The following KLHL30 variants were observed in gnomAD, a reference collection of about 807,000 sequenced individuals.
KLHL30 encodes the protein kelch-like protein 30.
A neutral mutation model predicts 55.0 loss-of-function variants in KLHL30; 55 were observed. The observed-to-expected ratio is 1.00, with a 90% CI of 0.80 to 1.25. KLHL30 has a LOEUF of 1.25. KLHL30 is among the 50% of genes most tolerant of loss of function. KLHL30 has a pLI of 0.00. For synonymous variants in KLHL30, 356 were observed against 372.6 expected (o/e 0.96, Z 0.51); for missense variants, 786 against 811.6 (o/e 0.97, Z 0.38).
chr2:238,143,197 C>G (rs1174418943), intron 3 of KLHL30, among the ~76,000 whole-genome samples: 2 of 152,236 alleles, frequency 1.3e-5, no homozygotes, highest in Non-Finnish European at 2.9e-5. Flanking sequence ...GGCCCTGGAG[C>G]CGGTGTACAG....
At chr2:238,142,720 A>T (rs1012152233) in intron 2 of KLHL30, 79 bp from the exon 3 acceptor site, 2 of 1,287,090 alleles carry the variant, frequency 1.6e-6, no homozygotes, top group African/African-American at 1.6e-5. Context: ...TCACATGCTG[A>T]GGCCTGCCCA....
At position 238,142,938 on chromosome 2, in the gene KLHL30, A is replaced by AC; in HGVS notation, c.907+11dup. 6.6e-7 allele frequency: 1 copy of AC among 1,504,984 alleles called. No individual in the cohort carries two copies. The highest frequency in any genetic ancestry group is 8.8e-7 in the Non-Finnish European group (1 of 1,140,400). 93.2% of individuals were successfully genotyped at this position (1,504,984 alleles called of 1,614,324 possible). On this transcript the variant is annotated splice_region_variant and intron_variant, in intron 3 of 7. Transcript: ENST00000409223. Reference sequence around the variant, plus strand: ...TTCTACAACAGCAAGGCCAGTGAGTACCCCTCCCGCGTCCAGACCCACCTG... The same window carrying AC: ...TTCTACAACAGCAAGGCCAGTGAGTACCCCCTCCCGCGTCCAGACCCACCTG...
At chr2:238,150,466 G>A (rs765146832) in intron 7 of KLHL30, among the ~76,000 whole-genome samples, 26 of 151,264 alleles carry the variant, frequency 1.7e-4, no homozygotes, top group Non-Finnish European at 2.2e-4. Flanking sequence ...GTCTGCCAGG[G>A]CTGAGCCACA....
At chr2:238,146,175 C>CA (rs1156355687) in intron 5 of KLHL30, among the ~76,000 whole-genome samples, 1 of 152,072 alleles carries the variant, frequency 6.6e-6, no homozygotes, top group Non-Finnish European at 1.5e-5. Flanking sequence ...CCTGCAGCTA[C>CA]AGCAAGGAGT....
rs1250747917 is a variant in KLHL30 at position 238,151,244 on chromosome 2, GCCA to G, written c.*184_*186del. Reference sequence around the variant, plus strand: ...GGAGGACACAGCCTTGGTCTCTGTGGCCACCACACTAAACTCTGAGCTGAGCAG... The same window carrying G: ...GGAGGACACAGCCTTGGTCTCTGTGGCCACACTAAACTCTGAGCTGAGCAG... On this transcript the variant is annotated 3_prime_UTR_variant, in exon 8 of 8. Transcript: ENST00000409223. 2.1e-5 allele frequency: 18 copies of G among 840,350 alleles called. No individual in the cohort carries two copies. The East Asian group carries it at 4.0e-4, about 19-fold the overall frequency. The allele number at this position is 840,350 out of a possible 1,614,324, so 52.1% of individuals were successfully genotyped here. A position where few individuals can be genotyped will look rare whatever the true frequency, so the allele number is the denominator to read the frequency against.
At chr2:238,144,582 T>C (rs1692614591) in intron 3 of KLHL30, among the ~76,000 whole-genome samples, 1 of 151,976 alleles carries the variant, frequency 6.6e-6, no homozygotes, top group East Asian at 1.9e-4. Context: ...GGCTGAATGG[T>C]CCATTTGGGG....
In KLHL30 at chr2:238,151,281, G is replaced by T; in HGVS notation, c.*216G>T. ...AACTCTGAGCTGAGCAGTGACAAGG[G>T]CCTGAGTGCCAGACGCTGGCATAAC... On this transcript the variant is annotated 3_prime_UTR_variant, in exon 8 of 8. Transcript: ENST00000409223. 1 of 652,872 alleles carries T rather than the reference G, an allele frequency of 1.5e-6. No homozygotes were observed. The highest frequency in any genetic ancestry group is 2.1e-5 in the South Asian group (1 of 48,520). The allele number at this position is 652,872 out of a possible 1,614,324, so 40.4% of individuals were successfully genotyped here.
At position 238,152,274 on chromosome 2, in the gene KLHL30, C is replaced by T. The variant is rs1185314048; in HGVS notation, c.*1209C>T. 1 of 964,736 alleles carries T rather than the reference C, an allele frequency of 1.0e-6. No individual in the cohort carries two copies. The highest frequency in any genetic ancestry group is 1.8e-5 in the African/African-American group (1 of 56,736). 59.8% of individuals were successfully genotyped at this position (964,736 alleles called of 1,614,324 possible). ...GGGGACCAGAGGGGCCTCTGACATC[C>T]TTGGGTTCTGAGGACGGAAACCCCT... On this transcript the variant is annotated 3_prime_UTR_variant, in exon 8 of 8. Transcript: ENST00000409223.
rs778657945 is a variant in KLHL30, at chr2:238,145,735, C to T, written c.1053C>T (p.Pro351=). Reference sequence around the variant, plus strand: ...CAACCACCCAGGCCTGGTGCTTCCCCCTGAAGGAGGCCTCCTGGAAGCCCG... The same window carrying T: ...CAACCACCCAGGCCTGGTGCTTCCCTCTGAAGGAGGCCTCCTGGAAGCCCG... ...TWSTTQAWCF[P]LKEASWKPVA... is the part of the protein sequence containing the mutation. The change falls in exon 5 of 8, where the codon CCC becomes CCT. Residue 351 remains proline, a synonymous_variant. Coordinates refer to ENST00000409223, the MANE Select transcript of KLHL30 (RefSeq NM_198582.4). The T allele has an allele frequency of 1.3e-6, 2 of 1,597,148 alleles. No homozygotes were observed. The highest frequency in any genetic ancestry group is 2.3e-5 in the East Asian group (1 of 44,024).
chr2:238,151,127 G>A lies in KLHL30; in HGVS notation c.*62G>A. On this transcript the variant is annotated 3_prime_UTR_variant, in exon 8 of 8. Coordinates refer to ENST00000409223, the MANE Select transcript of KLHL30 (RefSeq NM_198582.4). ...CGGCCCCTCATCAGCCTGTGGAACG[G>A]CCCCTTTCATTTTCGCTTATTTGTT... The A allele has an allele frequency of 7.3e-6, 11 of 1,517,064 alleles. No homozygotes were observed. The Admixed American group carries it at 2.0e-4, about 28-fold the overall frequency. 94.0% of individuals were successfully genotyped at this position (1,517,064 alleles called of 1,614,324 possible). A position where few individuals can be genotyped will look rare whatever the true frequency, so the allele number is the denominator to read the frequency against.
At chr2:238,142,467 C>T (rs887786087) in intron 2 of KLHL30, among the ~76,000 whole-genome samples, 4 of 152,138 alleles carry the variant, frequency 2.6e-5, no homozygotes, top group South Asian at 4.1e-4. Context: ...GCTTACCGGC[C>T]GTTCCTAAGA....
intron 3 of KLHL30, among the ~76,000 whole-genome samples, chr2:238,144,432 A>AAGGAAGGAAGGCAGGAAGGAAGGCAGGC (rs1692608040): frequency 1.2e-5 from 1 of 82,380 alleles, no homozygotes. Flanking sequence ...GGAAGGAAGG[A>AAGGAAGGAAGGCAGGAAGGAAGGCAGGC]AGGCAGGCAG....
intron 5 of KLHL30, 107 bp downstream of exon 5, chr2:238,145,939 C>T (rs528793513): frequency 2.6e-5 from 33 of 1,268,754 alleles, no homozygotes; most frequent in South Asian, 7.8e-5. Flanking sequence ...ACGGAGATGC[C>T]GCTCCCACTG....
chr2:238,139,367 G>A (rs1692488352), intron 1 of KLHL30, among the ~76,000 whole-genome samples: 1 of 152,202 alleles, frequency 6.6e-6, no homozygotes, highest in South Asian at 2.1e-4. Flanking sequence ...CCTTCACCGG[G>A]GCCAGCGCCT....
chr2:238,144,422 G>GGAAGGAAGGAAGGAAGGAAGGAAT (rs1692605034), intron 3 of KLHL30, among the ~76,000 whole-genome samples: 10 of 106,096 alleles, frequency 9.4e-5, no homozygotes, highest in Middle Eastern at 4.5e-3. Context: ...AAGGAAGGAA[G>GGAAGGAAGGAAGGAAGGAAGGAAT]GAAGGAAGGA....
chr2:238,144,420 A>AGGCAGGCAGGCAGGCAGGC (rs1692604143), intron 3 of KLHL30, among the ~76,000 whole-genome samples: 5 of 98,820 alleles, frequency 5.1e-5, no homozygotes, highest in Non-Finnish European at 6.5e-5. Context: ...GGAAGGAAGG[A>AGGCAGGCAGGCAGGCAGGC]AGGAAGGAAG....
chr2:238,144,746 C>T (rs1692617346), intron 3 of KLHL30, among the ~76,000 whole-genome samples, 156 bp from the exon 4 acceptor site: 1 of 152,132 alleles, frequency 6.6e-6, no homozygotes, highest in Non-Finnish European at 1.5e-5. Flanking sequence ...ACCCCCCGGG[C>T]CCCCGTACCA....
Position 238,147,146 on chromosome 2 carries a change from CAAAA to C in KLHL30, c.1151-677_1151-674del, listed in dbSNP as rs11442034. Among the ~76,000 whole-genome samples, 1 of 133,272 alleles carries C rather than the reference CAAAA, an allele frequency of 7.5e-6. No individual in the cohort carries two copies. Among genetic ancestry groups the C allele is most frequent in the African/African-American group, 2.8e-5 (1 of 35,752 alleles). The allele number at this position is 133,272 out of a possible 152,430, so 87.4% of individuals were successfully genotyped here. On this transcript the variant is annotated intron_variant, in intron 5 of 7. Coordinates refer to ENST00000409223, the MANE Select transcript of KLHL30 (RefSeq NM_198582.4). The surrounding 1 kb of genome is among the most constrained non-coding windows in gnomAD (Gnocchi z 5.8). ...TGGGTGACCGAGCAAGACCCTGTCT[CAAAA>C]AAAAAAAAAAGAAAGAAAAGAAAAA...
At chr2:238,142,401 G>T (rs1692558982) in intron 2 of KLHL30, among the ~76,000 whole-genome samples, 2 of 152,142 alleles carry the variant, frequency 1.3e-5, no homozygotes, top group African/African-American at 4.8e-5. Flanking sequence ...CATATGGGGG[G>T]CCAGGGTGGA....
Sources: gnomAD v4.1 joint callset for allele counts (sites outside exome capture counted in the v4.1 genomes callset) on GRCh38, gnomAD v4.1.1 for gene constraint, Gnocchi (gnomAD v3.1) non-coding constraint, MANE v1.5 for transcripts, NCBI Gene and HGNC (gene_info 2026-07-23, HGNC 2026-07-21) for gene names.